Variants in TBC1D25 observed in about 807,000 individuals in gnomAD.
The protein encoded by TBC1D25 is TBC1 domain family member 25.
A neutral mutation model predicts 38.8 loss-of-function variants in TBC1D25; 13 were observed. That is an observed-to-expected ratio of 0.34 (90% confidence interval 0.22 to 0.53). The LOEUF (loss-of-function observed/expected upper bound fraction) is 0.53. TBC1D25 is among the 20% of genes least tolerant of loss of function. The pLI is 0.94. For missense variants in TBC1D25, 372 were observed against 600.0 expected (o/e 0.62, Z 3.97); for synonymous variants, 225 against 255.6 (o/e 0.88, Z 1.14).
At chrX:48,543,507 T>A (rs1400383475) in intron 2 of TBC1D25, among the ~76,000 whole-genome samples, 1 of 103,808 alleles carries the variant, frequency 9.6e-6, no homozygotes, top group Admixed American at 1.0e-4. Flanking sequence ...AGTGCTGGGA[T>A]TACAGGCATG....
chrX:48,543,883 C>A (rs868908512), intron 2 of TBC1D25, among the ~76,000 whole-genome samples: 294 of 72,039 alleles, frequency 4.1e-3, no homozygotes, highest in Admixed American at 4.6e-3. Flanking sequence ...GACTCCGTCT[C>A]AAAAAAAAAA....
At chrX:48,557,643 C>CAA (rs782150312) in intron 3 of TBC1D25, among the ~76,000 whole-genome samples, 1 of 80,622 alleles carries the variant, frequency 1.2e-5, no homozygotes, top group African/African-American at 4.5e-5. Context: ...AACTCCGCCT[C>CAA]AAAAAAAAAA....
chrX:48,550,633 GCCATCCTC>G (rs1417381069), intron 3 of TBC1D25, among the ~76,000 whole-genome samples: 2 of 93,050 alleles, frequency 2.1e-5, no homozygotes, highest in African/African-American at 8.2e-5. Flanking sequence ...ATAAGCTTTT[GCCATCCTC>G]CCACTGTTCT....
intron 3 of TBC1D25, among the ~76,000 whole-genome samples, chrX:48,546,576 C>T (rs2061888817): frequency 8.9e-6 from 1 of 111,737 alleles, no homozygotes; most frequent in African/African-American, 3.2e-5. Flanking sequence ...GCTCTACCCT[C>T]AGGACTTAAT....
intron 3 of TBC1D25, among the ~76,000 whole-genome samples, chrX:48,558,111 CAA>C (rs782514374): frequency 5.1e-4 from 25 of 49,494 alleles, no homozygotes; most frequent in Admixed American, 8.3e-4. Context: ...ACTCCGTCTC[CAA>C]AAAAAAAAAA....
At position 48,559,493 on chromosome X, in the gene TBC1D25, A is replaced by T; in HGVS notation, c.706-121A>T. ...TCTTTAAGGAGGGGCGAGCAGTCGG[A>T]GGCCTAGCAGACTTAGAAGGAAGAC... On this transcript the variant is annotated intron_variant, in intron 5 of 5. Coordinates refer to ENST00000376771, the MANE Select transcript of TBC1D25 (RefSeq NM_002536.4). The T allele has an allele frequency of 3.9e-6, 4 of 1,022,634 alleles. No individual in the cohort carries two copies. In the South Asian group the frequency reaches 9.2e-5, roughly 23 times the overall value. 84.3% of individuals were successfully genotyped at this position (1,022,634 alleles called of 1,213,427 possible).
In TBC1D25 at chrX:48,561,230, T is replaced by C. The variant is rs1424905378; in HGVS notation, c.*255T>C. 1.2e-5 allele frequency: 4 copies of C among 320,170 alleles called. No homozygotes were observed. Among genetic ancestry groups the C allele is most frequent in the African/African-American group, 8.0e-5 (3 of 37,578 alleles). The allele number at this position is 320,170 out of a possible 1,213,427, so 26.4% of individuals were successfully genotyped here. A position where few individuals can be genotyped will look rare whatever the true frequency, so the allele number is the denominator to read the frequency against. ...CACACATGAAGGTCACTGTGGTTTG[T>C]GTGTTTCTCTGCCTCCTCCCTGGGT... On this transcript the variant is annotated 3_prime_UTR_variant, in exon 6 of 6. Coordinates refer to ENST00000376771, the MANE Select transcript of TBC1D25 (RefSeq NM_002536.4).
intron 1 of TBC1D25, among the ~76,000 whole-genome samples, chrX:48,540,870 A>C (rs782292292): frequency 2.0e-4 from 23 of 112,211 alleles, no homozygotes; most frequent in African/African-American, 7.1e-4. Flanking sequence ...GATGTTCCAG[A>C]CAGGGGATCA....
intron 3 of TBC1D25, among the ~76,000 whole-genome samples, chrX:48,546,731 G>T (rs1177975863): frequency 9.0e-6 from 1 of 111,483 alleles, no homozygotes; most frequent in Non-Finnish European, 1.9e-5. Flanking sequence ...TCTTGGGAAA[G>T]ACACAGTTAA....
intron 3 of TBC1D25, among the ~76,000 whole-genome samples, chrX:48,550,872 G>C (rs1342025806): frequency 9.0e-6 from 1 of 110,499 alleles, no homozygotes; most frequent in African/African-American, 3.3e-5. Context: ...TGTTAGCTAG[G>C]ATGATCTCGA....
intron 3 of TBC1D25, among the ~76,000 whole-genome samples, chrX:48,557,796 G>A (rs1285996486): frequency 2.2e-5 from 2 of 91,383 alleles, no homozygotes; most frequent in East Asian, 6.9e-4. Context: ...GCGACAGAGT[G>A]AGACTCCATC....
intron 2 of TBC1D25, among the ~76,000 whole-genome samples, chrX:48,543,189 T>A (rs1462381991): frequency 9.0e-6 from 1 of 110,859 alleles, no homozygotes; most frequent in Non-Finnish European, 1.9e-5. Flanking sequence ...CATCTAGTCA[T>A]AGGATAAATT....
intron 3 of TBC1D25, among the ~76,000 whole-genome samples, chrX:48,548,875 A>C (rs1463594141): frequency 8.9e-6 from 1 of 112,355 alleles, no homozygotes; most frequent in African/African-American, 3.2e-5. Flanking sequence ...TGGAGCTATC[A>C]TTAGACATAT....
At position 48,539,795 on chromosome X, in the gene TBC1D25, G is replaced by T; in HGVS notation, c.-3G>T. The T allele has an allele frequency of 1.0e-6, 1 of 962,369 alleles. No individual in the cohort carries two copies. 79.3% of individuals were successfully genotyped at this position (962,369 alleles called of 1,213,427 possible). On this transcript the variant is annotated 5_prime_UTR_variant, in exon 1 of 6. Transcript: ENST00000376771. ...CCGTCACCCTGAGACGGGCGGCGGC[G>T]GGATGGCAACAGCCTCCGGGGCCTC... is the stretch of plus-strand genomic sequence containing the variant.
At chrX:48,552,061 AG>A (rs1451700099) in intron 3 of TBC1D25, among the ~76,000 whole-genome samples, 1 of 111,883 alleles carries the variant, frequency 8.9e-6, no homozygotes, top group Admixed American at 9.6e-5. Context: ...TGTGTTTACC[AG>A]ATATACCTTT....
At chrX:48,545,131 T>TA in intron 3 of TBC1D25, 108 bp downstream of exon 3, 1 of 1,002,048 alleles carries the variant, frequency 1.0e-6, no homozygotes, top group Non-Finnish European at 1.3e-6. Context: ...TAGCAAGGTA[T>TA]CCTAGCTATA....
At chrX:48,544,717 C>G (rs1333212125) in intron 2 of TBC1D25, 152 bp from the exon 3 acceptor site, 1 of 660,903 alleles carries the variant, frequency 1.5e-6, no homozygotes, top group African/African-American at 2.2e-5. Flanking sequence ...ATGACCTGAT[C>G]TCAGGCTGCC....
At chrX:48,546,634 A>C (rs1356615379) in intron 3 of TBC1D25, among the ~76,000 whole-genome samples, 1 of 112,461 alleles carries the variant, frequency 8.9e-6, no homozygotes, top group African/African-American at 3.2e-5. Flanking sequence ...TTGGTAATTA[A>C]ATTGCAACAC....
intron 3 of TBC1D25, among the ~76,000 whole-genome samples, chrX:48,551,767 G>A (rs1353570769): frequency 2.7e-5 from 3 of 109,408 alleles, no homozygotes; most frequent in Non-Finnish European, 5.7e-5. Flanking sequence ...TGGGATTACA[G>A]GCACCTGCCA....
Sources: allele counts gnomAD v4.1 joint callset (sites outside exome capture counted in the v4.1 genomes callset), GRCh38; gene constraint gnomAD v4.1.1; transcripts MANE v1.5; gene names NCBI Gene and HGNC (gene_info 2026-07-23, HGNC 2026-07-21).